PDE3B: variants seen among roughly 807,000 people sequenced by gnomAD.
PDE3B encodes the protein cGMP-inhibited 3',5'-cyclic phosphodiesterase 3B.
Under a neutral mutation model 116.8 loss-of-function variants are expected in PDE3B, and 66 were observed. That is an observed-to-expected ratio of 0.56 (90% CI 0.46 to 0.69). The LOEUF (loss-of-function observed/expected upper bound fraction) is 0.69, where lower values mean the gene tolerates loss of function less well. Among genes scored for constraint, PDE3B ranks in the 30% least tolerant of loss-of-function variants. The pLI, the probability that PDE3B is intolerant of heterozygous loss-of-function variation, is 0.00. For missense variants in PDE3B, 1,384 were observed against 1,368.1 expected, an observed-to-expected ratio of 1.01 and a Z score of -0.18; for synonymous variants, 595 against 533.6, an observed-to-expected ratio of 1.12 and a Z score of -1.59.
At chr11:14,879,111 T>C in the PDE3B span, 2 of 1,612,196 alleles carry the variant, frequency 1.2e-6, no homozygotes, top group Non-Finnish European at 1.7e-6. Context: ...AAAGTTCTCT[T>C]ACCTAGGGAA....
the PDE3B span, chr11:14,886,886 T>C: frequency 6.6e-6 from 1 of 152,310 alleles, no homozygotes; most frequent in East Asian, 1.9e-4. Flanking sequence ...GCAAAGGTCA[T>C]GAGGACTGCC....
intron 1 of PDE3B, among the ~76,000 whole-genome samples, chr11:14,651,595 G>A (rs977491229): frequency 4.6e-4 from 70 of 152,138 alleles, no homozygotes; most frequent in African/African-American, 1.6e-3. Context: ...CCTATTTACT[G>A]ACTTTTAAGT....
At chr11:14,685,717 AAGTGCTAGGATTACAGGCATG>A (rs1854855355) in intron 1 of PDE3B, among the ~76,000 whole-genome samples, 1 of 151,960 alleles carries the variant, frequency 6.6e-6, no homozygotes, top group African/African-American at 2.4e-5. Flanking sequence ...TGACCTCCCA[AAGTGCTAGGATTACAGGCATG>A]AGCCACTGCA....
chr11:14,869,589 C>T lies in PDE3B; in HGVS notation c.3268C>T (p.Gln1090Ter), dbSNP rs1555008690. The T allele has an allele frequency of 1.9e-6, 3 of 1,613,646 alleles. No individual in the cohort carries two copies. The highest frequency in any genetic ancestry group is 2.5e-6 in the Non-Finnish European group (3 of 1,179,878). Reference sequence around the variant, plus strand: ...ATGTAAAGCTGATGGGAATAAACTGCAGGTGGAGAATTCCTCCTTACCTCA... The same window carrying T: ...ATGTAAAGCTGATGGGAATAAACTGTAGGTGGAGAATTCCTCCTTACCTCA... ...EKCKADGNKL[Q>*]VENSSLPQAD... is the part of the protein sequence containing the mutation. The change falls in exon 16 of 16, where the codon CAG becomes TAG. Residue 1090 changes from glutamine (Q) to a stop codon, truncating the protein, a stop_gained. Transcript: ENST00000282096. LOFTEE classifies it high-confidence loss of function.
rs576530114 is a variant in PDE3B, at chr11:14,662,035, C to G, written c.978+16982C>G. On this transcript the variant is annotated intron_variant, in intron 1 of 15. Coordinates refer to ENST00000282096, the MANE Select transcript of PDE3B (RefSeq NM_000922.4). ...GGGTCCCTGACCCCTGACCCCCGAGCAGCCTAACTGGGAGGCACCCCCAAG... is the reference window on the plus strand; with the variant it reads ...GGGTCCCTGACCCCTGACCCCCGAGGAGCCTAACTGGGAGGCACCCCCAAG... Among the ~76,000 whole-genome samples, 4 of 152,288 alleles carry G rather than the reference C, an allele frequency of 2.6e-5. No homozygotes were observed. The South Asian group carries it at 8.3e-4, about 32-fold the overall frequency.
intron 11 of PDE3B, among the ~76,000 whole-genome samples, chr11:14,842,616 C>T (rs1442304450): frequency 2.0e-5 from 3 of 152,084 alleles, no homozygotes; most frequent in African/African-American, 7.2e-5. Flanking sequence ...GTACATAACT[C>T]TAGTCCAAGC....
chr11:14,750,649 A>G (rs1455282859), intron 1 of PDE3B, among the ~76,000 whole-genome samples: 2 of 152,084 alleles, frequency 1.3e-5, no homozygotes, highest in Non-Finnish European at 2.9e-5. Context: ...TTTCTTATGC[A>G]TTAAATTTTA....
chr11:14,850,317 A>G (rs1432014224), intron 12 of PDE3B, among the ~76,000 whole-genome samples: 1 of 151,888 alleles, frequency 6.6e-6, no homozygotes, highest in African/African-American at 2.4e-5. Flanking sequence ...GAAGGGGAAC[A>G]TCACACTCTG....
At chr11:14,791,704 C>A (rs546069925) in intron 4 of PDE3B, among the ~76,000 whole-genome samples, 11 of 152,194 alleles carry the variant, frequency 7.2e-5, no homozygotes, top group African/African-American at 2.6e-4. Flanking sequence ...TTCCACCTTA[C>A]ACTAGAAATC....
chr11:14,742,583 C>G (rs776532009), intron 1 of PDE3B, among the ~76,000 whole-genome samples: 11 of 152,310 alleles, frequency 7.2e-5, no homozygotes, highest in Middle Eastern at 3.4e-3. Context: ...AAGCCTACTT[C>G]TGTCTGTCAA....
Position 14,844,134 on chromosome 11 carries a change from C to A in PDE3B, c.2520+108C>A, listed in dbSNP as rs1382994557. 12 of 734,348 alleles carry A rather than the reference C, an allele frequency of 1.6e-5. No individual in the cohort carries two copies. The East Asian group carries it at 2.9e-4, about 18-fold the overall frequency. The allele number at this position is 734,348 out of a possible 1,614,324, so 45.5% of individuals were successfully genotyped here. ...TGAATCATATGTCCAATCCATCTGA[C>A]TTTAATACCCTACATTTTAATTAAT... On this transcript the variant is annotated intron_variant, in intron 12 of 15. Transcript: ENST00000282096.
intron 1 of PDE3B, among the ~76,000 whole-genome samples, chr11:14,645,790 G>C (rs890919251): frequency 2.6e-5 from 4 of 151,706 alleles, no homozygotes; most frequent in Non-Finnish European, 5.9e-5. Flanking sequence ...TTTTAAAAGG[G>C]ATTGAAATCA....
intron 1 of PDE3B, among the ~76,000 whole-genome samples, chr11:14,769,701 TC>T (rs1347113097): frequency 1.3e-5 from 2 of 148,314 alleles, no homozygotes; most frequent in African/African-American, 2.5e-5. Context: ...CATAATCATC[TC>T]CCCCTTCATG....
the PDE3B span, chr11:14,878,068 G>A: frequency 6.9e-6 from 11 of 1,587,990 alleles, no homozygotes; most frequent in African/African-American, 2.7e-5. Context: ...ATTAAACCAA[G>A]TTCAGGGATA....
intron 13 of PDE3B, 73 bp downstream of exon 13, chr11:14,859,319 A>G (rs1226472027): frequency 2.9e-6 from 3 of 1,027,110 alleles, no homozygotes; most frequent in African/African-American, 1.6e-5. Context: ...ATGTTTTTTA[A>G]TGTTAAGTTA....
At chr11:14,880,823 TGAAAG>T in the PDE3B span, 1 of 1,523,562 alleles carries the variant, frequency 6.6e-7, no homozygotes, top group South Asian at 1.3e-5. Context: ...ATCTAAAAAA[TGAAAG>T]GGAACAAAAT....
intron 1 of PDE3B, among the ~76,000 whole-genome samples, chr11:14,657,556 C>T (rs1353861094): frequency 1.3e-5 from 2 of 152,138 alleles, no homozygotes; most frequent in Non-Finnish European, 2.9e-5. Flanking sequence ...CTTACATACA[C>T]ATTACTAAAT....
rs769248459 is a variant in PDE3B at position 14,644,208 on chromosome 11, C to G, written c.133C>G (p.Arg45Gly). The change falls in exon 1 of 16, where the codon CGC (arginine) becomes GGC (glycine). Residue 45 changes from arginine to glycine, a missense_variant. By Grantham distance (125) the Arg-to-Gly change is moderately radical. Around this residue, in one of 2 missense-constraint regions of PDE3B, gnomAD observed 956 missense variants for 806.8 expected, o/e 1.18. Transcript: ENST00000282096. ...GAGCCCCTTGCGGCAGGACCCTCCG[C>G]GCGGCTTCTTCTTCCACCTCTGCCG... ...CVSPLRQDPP[R>G]GFFFHLCRFC... 1 of 1,595,026 alleles carries G rather than the reference C, an allele frequency of 6.3e-7. No individual in the cohort carries two copies. The highest frequency in any genetic ancestry group is 8.5e-7 in the Non-Finnish European group (1 of 1,177,012).
downstream of PDE3B, among the ~76,000 whole-genome samples, chr11:14,876,064 C>T (rs1848185495): frequency 6.6e-6 from 1 of 152,174 alleles, no homozygotes; most frequent in African/African-American, 2.4e-5. Context: ...TAGTCTACTT[C>T]AGTTCACTAA....
Sources: gnomAD v4.1 joint callset for allele counts (sites outside exome capture counted in the v4.1 genomes callset) on GRCh38, gnomAD v4.1.1 for gene constraint, gnomAD v4.1.1 regional missense constraint, MANE v1.5 for transcripts, NCBI Gene and HGNC (gene_info 2026-07-23, HGNC 2026-07-21) for gene names.